The following PARD3 variants were observed in gnomAD, a reference collection of about 807,000 sequenced individuals.
PARD3 encodes par-3 family cell polarity regulator, also known as partitioning defective 3 homolog.
PARD3 carries 75 observed loss-of-function variants against 155.4 expected under a neutral mutation model. The observed-to-expected ratio is 0.48, with a 90% CI of 0.40 to 0.58. The LOEUF (loss-of-function observed/expected upper bound fraction) is 0.58. Ranked by LOEUF, PARD3 falls within the 20% of genes least tolerant of loss-of-function variation. The pLI, the probability that PARD3 is intolerant of heterozygous loss-of-function variation, is 0.00. For missense variants in PARD3, 1,642 were observed against 1,721.7 expected, an observed-to-expected ratio of 0.95 and a Z score of 0.82; for synonymous variants, 576 against 610.5, an observed-to-expected ratio of 0.94 and a Z score of 0.83.
chr10:34,518,857 A>T (rs1432930214), intron 2 of PARD3, among the ~76,000 whole-genome samples: 1 of 152,176 alleles, frequency 6.6e-6, no homozygotes, highest in African/African-American at 2.4e-5. Context: ...AGTCATTTTG[A>T]CTAAAAAGCA....
chr10:34,739,760 T>C (rs1195870755), intron 1 of PARD3, among the ~76,000 whole-genome samples: 5 of 152,182 alleles, frequency 3.3e-5, no homozygotes, highest in African/African-American at 1.2e-4. Flanking sequence ...TGATATTCAA[T>C]AAAGTGGGAG....
rs1343816836 is a variant in PARD3, at chr10:34,356,370, CA to C, written c.2067+2776del. 2.0e-5 allele frequency among the ~76,000 whole-genome samples: 3 copies of C among 152,088 alleles called. No homozygotes were observed. The South Asian group carries it at 6.2e-4, about 32-fold the overall frequency. The stretch of plus-strand genomic sequence containing the variant: ...ACAACATAGCAAGACCGTGTCTCTA[CA>C]AAAATGAAAAATAAAGAAGACATAT... On this transcript the variant is annotated intron_variant, in intron 14 of 24. Transcript: ENST00000374788.
intron 3 of PARD3, among the ~76,000 whole-genome samples, chr10:34,504,445 AG>A (rs1276524498): frequency 2.6e-5 from 4 of 151,620 alleles, no homozygotes; most frequent in Non-Finnish European, 5.9e-5. Flanking sequence ...AAAAAAAAAA[AG>A]AAAAGTATTT....
At chr10:34,600,962 A>ATTTT (rs1028271994) in intron 2 of PARD3, among the ~76,000 whole-genome samples, 16 of 90,098 alleles carry the variant, frequency 1.8e-4, no homozygotes, top group East Asian at 3.5e-4. Flanking sequence ...CATTTTTTTA[A>ATTTT]TTTTTTTTTT....
intron 1 of PARD3, among the ~76,000 whole-genome samples, chr10:34,751,416 C>G (rs1184831690): frequency 6.6e-6 from 1 of 152,148 alleles, no homozygotes; most frequent in Non-Finnish European, 1.5e-5. Context: ...CTGGGAAGGC[C>G]TCTAAGATTT....
At chr10:34,597,099 T>C (rs1260253605) in intron 2 of PARD3, among the ~76,000 whole-genome samples, 1 of 152,000 alleles carries the variant, frequency 6.6e-6, no homozygotes, top group East Asian at 1.9e-4. Context: ...AGGGAAAACA[T>C]TAGTACTGAA....
intron 22 of PARD3, among the ~76,000 whole-genome samples, chr10:34,157,230 T>C (rs1401780827): frequency 6.6e-6 from 1 of 152,148 alleles, no homozygotes; most frequent in Admixed American, 6.5e-5. Flanking sequence ...GATGAAAATA[T>C]CCCTCTGCTG....
chr10:34,488,304 ATTTTATTTATTTAT>A (rs1040388007), intron 3 of PARD3, among the ~76,000 whole-genome samples: 4 of 151,408 alleles, frequency 2.6e-5, no homozygotes, highest in Middle Eastern at 3.2e-3. Context: ...TTTTATTTTT[ATTTTATTTATTTAT>A]TTTTATTTAT....
At chr10:34,533,004 C>T (rs2082962851) in intron 2 of PARD3, among the ~76,000 whole-genome samples, 1 of 152,122 alleles carries the variant, frequency 6.6e-6, no homozygotes, top group Non-Finnish European at 1.5e-5. Context: ...CAAACCTGTA[C>T]AAGATGTCAC....
intron 8 of PARD3, among the ~76,000 whole-genome samples, chr10:34,383,478 C>T (rs897508160): frequency 6.6e-6 from 1 of 151,956 alleles, no homozygotes; most frequent in Non-Finnish European, 1.5e-5. Flanking sequence ...ATCTCAAGAA[C>T]AGCAATCCAG....
chr10:34,273,285 A>G (rs61840241), intron 21 of PARD3, among the ~76,000 whole-genome samples: 10,324 of 152,314 alleles, frequency 0.068, 488 homozygotes, highest in Non-Finnish European at 0.096. Context: ...GGGTGTGTCC[A>G]TATCACAGAA....
chr10:34,348,719 G>A (rs1456963605), intron 14 of PARD3, among the ~76,000 whole-genome samples: 1 of 152,116 alleles, frequency 6.6e-6, no homozygotes, highest in Non-Finnish European at 1.5e-5. Context: ...TAATGTTTAA[G>A]TACAAGATAG....
chr10:34,507,068 A>G (rs1017938412), intron 3 of PARD3, among the ~76,000 whole-genome samples: 2 of 152,118 alleles, frequency 1.3e-5, no homozygotes, highest in Non-Finnish European at 2.9e-5. Context: ...GTGAGCTTCC[A>G]ACACCCCACA....
chr10:34,802,221 A>G (rs1391896910), intron 1 of PARD3, among the ~76,000 whole-genome samples: 1 of 152,096 alleles, frequency 6.6e-6, no homozygotes, highest in Admixed American at 6.6e-5. Context: ...GGTGATCTTT[A>G]TATCTTCATT....
chr10:34,301,814 C>CT (rs1168504928), intron 20 of PARD3, among the ~76,000 whole-genome samples: 3 of 83,082 alleles, frequency 3.6e-5, no homozygotes, highest in African/African-American at 1.5e-4. Flanking sequence ...GTTCTTTCTC[C>CT]TTTCTTTTTT....
chr10:34,445,820 A>G (rs1404019704), intron 5 of PARD3, among the ~76,000 whole-genome samples: 3 of 151,974 alleles, frequency 2.0e-5, no homozygotes, highest in African/African-American at 7.3e-5. Flanking sequence ...AGCTTACTCA[A>G]CCAACTTCTG....
chr10:34,276,725 C>G (rs938289743), intron 21 of PARD3, among the ~76,000 whole-genome samples: 1 of 152,042 alleles, frequency 6.6e-6, no homozygotes, highest in Non-Finnish European at 1.5e-5. Context: ...CAGTTACATA[C>G]TAAATACTTT....
In PARD3 at chr10:34,382,615, C is replaced by T. The variant is rs746070509; in HGVS notation, c.1324G>A (p.Val442Ile). Residue 442 changes from valine to isoleucine, a missense_variant, in exon 9 of 25, where the codon GTA becomes ATA. Coordinates refer to ENST00000374788, the MANE Select transcript of PARD3 (RefSeq NM_001184785.2). ...CCACTGCTTACAGTCGTACTAAATA[C>T]ATTCTGAGGTGCCGAGGCTGGAGCG... ...PSAPASAPQN[V>I]FSTTVSSGYN... 2.5e-6 allele frequency: 4 copies of T among 1,614,014 alleles called. No individual in the cohort carries two copies. The highest frequency in any genetic ancestry group is 1.7e-6 in the Non-Finnish European group (2 of 1,180,022).
chr10:34,796,751 G>A (rs1264438383), intron 1 of PARD3, among the ~76,000 whole-genome samples: 3 of 152,348 alleles, frequency 2.0e-5, no homozygotes, highest in South Asian at 4.1e-4. Context: ...CTGGGAGGCC[G>A]AGGCGAGTGG....
Sources: allele counts gnomAD v4.1 joint callset (sites outside exome capture counted in the v4.1 genomes callset), GRCh38; gene constraint gnomAD v4.1.1; transcripts MANE v1.5; gene names NCBI Gene and HGNC (gene_info 2026-07-23, HGNC 2026-07-21).